SLC37A1: variants seen among roughly 807,000 people sequenced by gnomAD.
SLC37A1 encodes solute carrier family 37 member 1, also known as glucose-6-phosphate exchanger SLC37A1.
Under a neutral mutation model 75.3 loss-of-function variants are expected in SLC37A1, and 49 were observed. That is an observed-to-expected ratio of 0.65 (90% CI 0.52 to 0.83). The LOEUF is 0.83. Among genes scored for constraint, SLC37A1 ranks in the 40% least tolerant of loss-of-function variants. The pLI is 0.00. For synonymous variants in SLC37A1, 268 were observed against 292.1 expected (o/e 0.92, Z 0.84); for missense variants, 566 against 695.0 (o/e 0.81, Z 2.09).
rs776343290 is a variant in SLC37A1, at chr21:42,543,535, G to A, written c.663G>A (p.Leu221=). 22 of 1,613,818 alleles carry A rather than the reference G, an allele frequency of 1.4e-5. No homozygotes were observed. In the South Asian group the frequency reaches 2.4e-4, roughly 18 times the overall value. Residue 221 remains leucine, a synonymous_variant, in exon 8 of 20, where the codon CTG becomes CTA. Transcript: ENST00000352133. ...AGYWVSTCWG[L]SFVVPGAIVA... is the part of the protein sequence containing the mutation. ...ACTGGGTGTCCACATGCTGGGGCCTGTCCTTCGTCGTGCCTGGAGCCATCG... is the reference window on the plus strand; with the variant it reads ...ACTGGGTGTCCACATGCTGGGGCCTATCCTTCGTCGTGCCTGGAGCCATCG...
In SLC37A1 at chr21:42,580,457, C is replaced by A; in HGVS notation, c.*97C>A. On this transcript the variant is annotated 3_prime_UTR_variant, in exon 20 of 20. Transcript: ENST00000352133. ...AAAGGGCCCTGCATGGAAAGAGTGA[C>A]CTCCCTTTGCCTTTTGCACACGCAC... is the stretch of plus-strand genomic sequence containing the variant. The A allele has an allele frequency of 7.4e-7, 1 of 1,358,070 alleles. No homozygotes were observed. Among genetic ancestry groups the A allele is most frequent in the South Asian group, 1.4e-5 (1 of 71,970 alleles). 84.1% of individuals were successfully genotyped at this position (1,358,070 alleles called of 1,614,324 possible). A position where few individuals can be genotyped will look rare whatever the true frequency, so the allele number is the denominator to read the frequency against.
intron 11 of SLC37A1, among the ~76,000 whole-genome samples, chr21:42,559,422 G>C (rs2055770228): frequency 6.6e-6 from 1 of 152,240 alleles, no homozygotes; most frequent in African/African-American, 2.4e-5. Flanking sequence ...ACAGGTTGGG[G>C]AACTGAGGCC....
At chr21:42,569,205 G>A (rs1398904309) in intron 17 of SLC37A1, among the ~76,000 whole-genome samples, 2 of 152,192 alleles carry the variant, frequency 1.3e-5, no homozygotes, top group Non-Finnish European at 2.9e-5. Context: ...GTAGATGAAG[G>A]TGGCTCGGTA....
At chr21:42,555,030 G>C (rs1262006673) in intron 10 of SLC37A1, among the ~76,000 whole-genome samples, 1 of 141,450 alleles carries the variant, frequency 7.1e-6, no homozygotes, top group African/African-American at 2.7e-5. Context: ...CTGTCGCCCA[G>C]TCTGGAGTGC....
intron 10 of SLC37A1, among the ~76,000 whole-genome samples, chr21:42,555,899 G>T (rs996369278): frequency 6.6e-6 from 1 of 152,216 alleles, no homozygotes; most frequent in South Asian, 2.1e-4. Context: ...ATCCCCTTTC[G>T]GCGGGCCTGC....
At chr21:42,519,173 T>C (rs904020408) in intron 2 of SLC37A1, among the ~76,000 whole-genome samples, 2 of 152,166 alleles carry the variant, frequency 1.3e-5, no homozygotes, top group Admixed American at 1.3e-4. Flanking sequence ...AAAGACAGAC[T>C]AGCAAGAGAA....
At chr21:42,518,835 A>G (rs187875435) in intron 2 of SLC37A1, among the ~76,000 whole-genome samples, 2 of 152,340 alleles carry the variant, frequency 1.3e-5, no homozygotes, top group Admixed American at 1.3e-4. Context: ...TGAAATAAGC[A>G]CATAACTTAT....
chr21:42,505,724 G>A (rs2054378640), intron 2 of SLC37A1, among the ~76,000 whole-genome samples: 1 of 152,156 alleles, frequency 6.6e-6, no homozygotes, highest in South Asian at 2.1e-4. Flanking sequence ...TCCAAAACAT[G>A]ATTTTTTTTC....
intron 17 of SLC37A1, among the ~76,000 whole-genome samples, chr21:42,570,855 GCA>G (rs1189923506): frequency 2.0e-5 from 3 of 152,194 alleles, no homozygotes; most frequent in Admixed American, 1.3e-4. Flanking sequence ...GTGGAGGGAG[GCA>G]CAGTTCTGAA....
At chr21:42,520,069 A>T (rs1365754785) in intron 2 of SLC37A1, among the ~76,000 whole-genome samples, 4 of 152,162 alleles carry the variant, frequency 2.6e-5, no homozygotes, top group Admixed American at 6.5e-5. Flanking sequence ...TCTTATTTGT[A>T]AATACTTCCG....
chr21:42,532,695 G>A (rs761687268), intron 3 of SLC37A1, among the ~76,000 whole-genome samples: 8 of 152,104 alleles, frequency 5.3e-5, no homozygotes, highest in Non-Finnish European at 1.2e-4. Flanking sequence ...AGCCCCTCAC[G>A]TCCACCTTGG....
chr21:42,523,157 T>A (rs761803862), intron 2 of SLC37A1, among the ~76,000 whole-genome samples: 1 of 152,198 alleles, frequency 6.6e-6, no homozygotes, highest in Non-Finnish European at 1.5e-5. Flanking sequence ...TGATAACACC[T>A]GTAGAACTGG....
chr21:42,543,560 G>A lies in SLC37A1; in HGVS notation c.688G>A (p.Val230Met), dbSNP rs751765018. Residue 230 changes from valine (V) to methionine (M), a missense_variant, in exon 8 of 20, where the codon GTG becomes ATG. Val to Met is a conservative substitution (Grantham distance 21). Coordinates refer to ENST00000352133, the MANE Select transcript of SLC37A1 (RefSeq NM_001320537.2). ...GTCCTTCGTCGTGCCTGGAGCCATC[G>A]TGGCAGCCATGGGGATAGTGTGCTT... The part of the protein sequence containing the change: ...GLSFVVPGAI[V>M]AAMGIVCFLF... The A allele has an allele frequency of 1.4e-5, 23 of 1,613,112 alleles. No individual in the cohort carries two copies. Among genetic ancestry groups the A allele is most frequent in the South Asian group, 6.6e-5 (6 of 90,986 alleles).
At chr21:42,502,969 T>A (rs1038215610) in intron 2 of SLC37A1, 2 of 152,222 alleles carry the variant, frequency 1.3e-5, no homozygotes, top group African/African-American at 4.8e-5. Flanking sequence ...TTCCCAAAGA[T>A]AATAACTACT....
At chr21:42,556,073 G>A (rs571730527) in intron 10 of SLC37A1, among the ~76,000 whole-genome samples, 15 of 152,364 alleles carry the variant, frequency 9.8e-5, no homozygotes, top group African/African-American at 3.4e-4. Context: ...CACGTAGCAG[G>A]CAGTTTCTCA....
At chr21:42,511,798 AAACC>A (rs2054435541), upstream of SLC37A1, among the ~76,000 whole-genome samples, 1 of 152,120 alleles carries the variant, frequency 6.6e-6, no homozygotes, top group South Asian at 2.1e-4. Flanking sequence ...GTCTCAAAAC[AAACC>A]AACAAACAAA....
intron 17 of SLC37A1, among the ~76,000 whole-genome samples, chr21:42,574,426 C>T (rs1215240457): frequency 1.3e-5 from 2 of 152,140 alleles, no homozygotes; most frequent in South Asian, 4.1e-4. Flanking sequence ...AGTACGGAGG[C>T]GTACAGGTGG....
At chr21:42,538,368 T>A (rs984955214) in intron 5 of SLC37A1, among the ~76,000 whole-genome samples, 1 of 152,238 alleles carries the variant, frequency 6.6e-6, no homozygotes, top group Non-Finnish European at 1.5e-5. Flanking sequence ...AAAAGGTCAT[T>A]TGCATGATCC....
chr21:42,534,740 G>A lies in SLC37A1; in HGVS notation c.181G>A (p.Val61Ile), dbSNP rs115669950. The A allele has an allele frequency of 2.8e-3, 4,472 of 1,613,916 alleles. 98 individuals are homozygous for A. The African/African-American group carries it at 0.051, about 18-fold the overall frequency. Reference protein sequence around the residue: ...KYCTAWDEADVRFSSQNRKSG... With the variant: ...KYCTAWDEADIRFSSQNRKSG... ...CTGCACTGCTTGGGATGAAGCTGACGTCAGGTTCAGCAGCCAGAACAGGAA... is the reference window on the plus strand; with the variant it reads ...CTGCACTGCTTGGGATGAAGCTGACATCAGGTTCAGCAGCCAGAACAGGAA... The change falls in exon 4 of 20, where the codon GTC becomes ATC. Residue 61 changes from valine (V) to isoleucine (I), a missense_variant. By Grantham distance (29) the Val-to-Ile change is conservative (BLOSUM62 3). Transcript: ENST00000352133.
Sources: allele counts gnomAD v4.1 joint callset (sites outside exome capture counted in the v4.1 genomes callset), GRCh38; gene constraint gnomAD v4.1.1; transcripts MANE v1.5; gene names NCBI Gene and HGNC (gene_info 2026-07-23, HGNC 2026-07-21).